LRRC4C: variants seen among roughly 807,000 people sequenced by gnomAD.
LRRC4C encodes the protein leucine-rich repeat-containing protein 4C.
In LRRC4C, 5 loss-of-function variants were observed where a neutral mutation model predicts 33.6. The observed-to-expected ratio is 0.15, with a 90% CI of 0.08 to 0.31. The LOEUF (loss-of-function observed/expected upper bound fraction) is 0.31, where lower values mean the gene tolerates loss of function less well. Ranked by LOEUF, LRRC4C falls within the 10% of genes least tolerant of loss-of-function variation. The pLI is 1.00. For synonymous variants in LRRC4C, 329 were observed against 302.0 expected, an observed-to-expected ratio of 1.09 and a Z score of -0.93; for missense variants, 560 against 796.7, an observed-to-expected ratio of 0.70 and a Z score of 3.58.
At chr11:40,359,234 T>C (rs996023209) in intron 3 of LRRC4C, among the ~76,000 whole-genome samples, 5 of 152,184 alleles carry the variant, frequency 3.3e-5, no homozygotes, top group African/African-American at 1.2e-4. Context: ...TTCATTAGAA[T>C]AGCAAGCTAT....
intron 2 of LRRC4C, among the ~76,000 whole-genome samples, chr11:40,683,434 C>T (rs931894952): frequency 1.3e-5 from 2 of 152,134 alleles, no homozygotes; most frequent in Non-Finnish European, 2.9e-5. Context: ...AGTGCTGTCT[C>T]TATACATGGC....
intron 1 of LRRC4C, among the ~76,000 whole-genome samples, chr11:41,448,122 G>GTCTTTTTTTTTTTTTTTTTTTTTTTTTTT (rs1955887380): frequency 2.1e-5 from 1 of 46,948 alleles, no homozygotes. Flanking sequence ...GCACACGTCT[G>GTCTTTTTTTTTTTTTTTTTTTTTTTTTTT]TTTTTTTTTT....
chr11:41,090,802 T>G (rs1351828015), intron 1 of LRRC4C, among the ~76,000 whole-genome samples: 3 of 152,116 alleles, frequency 2.0e-5, no homozygotes, highest in Admixed American at 2.0e-4. Context: ...TCTTACTAGC[T>G]CTCTCTTTCC....
chr11:40,933,582 A>G (rs933115982), intron 2 of LRRC4C, 53 bp downstream of exon 2: 2 of 150,772 alleles, frequency 1.3e-5, no homozygotes, highest in Admixed American at 1.3e-4. Context: ...CTAGTCATAT[A>G]TGAAACAACA....
chr11:40,791,909 GT>G (rs1450392380), intron 2 of LRRC4C, among the ~76,000 whole-genome samples: 1 of 151,926 alleles, frequency 6.6e-6, no homozygotes, highest in Non-Finnish European at 1.5e-5. Context: ...AAACCCATGA[GT>G]TTTGTTTTAT....
intron 6 of LRRC4C, among the ~76,000 whole-genome samples, chr11:40,127,750 G>A (rs11606250): frequency 0.17 from 25,339 of 151,894 alleles, 2,236 homozygotes; most frequent in East Asian, 0.26. Context: ...AAATTAATAC[G>A]CCCCAGTTAA....
chr11:40,361,892 A>G (rs1310195080), intron 3 of LRRC4C, among the ~76,000 whole-genome samples: 1 of 152,214 alleles, frequency 6.6e-6, no homozygotes, highest in African/African-American at 2.4e-5. Flanking sequence ...CCAAAACAGC[A>G]TGGTACTGGT....
chr11:40,529,453 C>T (rs906796554), intron 3 of LRRC4C, among the ~76,000 whole-genome samples: 6 of 151,906 alleles, frequency 3.9e-5, no homozygotes, highest in South Asian at 4.2e-4. Flanking sequence ...GAGATAATAG[C>T]GGTCAGACAA....
chr11:41,412,312 GTTTGGGGTC>G (rs1954518157), intron 1 of LRRC4C, among the ~76,000 whole-genome samples: 1 of 152,138 alleles, frequency 6.6e-6, no homozygotes, highest in Admixed American at 6.5e-5. Flanking sequence ...ATAAAAATAT[GTTTGGGGTC>G]TTTAGAGATT....
intron 3 of LRRC4C, among the ~76,000 whole-genome samples, chr11:40,428,571 T>C (rs773032673): frequency 5.3e-5 from 8 of 152,234 alleles, no homozygotes; most frequent in Non-Finnish European, 7.3e-5. Flanking sequence ...AATGCATTTA[T>C]ATCTCTCGCT....
At chr11:40,324,371 C>T (rs966098288) in intron 3 of LRRC4C, among the ~76,000 whole-genome samples, 3 of 152,158 alleles carry the variant, frequency 2.0e-5, no homozygotes, top group Non-Finnish European at 4.4e-5. Context: ...TTAGTAAATC[C>T]ATGCTTGAAT....
intron 2 of LRRC4C, among the ~76,000 whole-genome samples, chr11:40,719,986 G>A (rs1476451902): frequency 6.6e-6 from 1 of 152,070 alleles, no homozygotes; most frequent in Non-Finnish European, 1.5e-5. Flanking sequence ...TAGGCAAATT[G>A]GGAAGTGAGT....
chr11:40,215,372 C>T (rs1301033349), intron 5 of LRRC4C, among the ~76,000 whole-genome samples: 1 of 152,132 alleles, frequency 6.6e-6, no homozygotes, highest in African/African-American at 2.4e-5. Flanking sequence ...AACCTCTATG[C>T]TTGCCTGAAT....
At chr11:40,377,011 A>C (rs111318016) in intron 3 of LRRC4C, among the ~76,000 whole-genome samples, 1,745 of 152,268 alleles carry the variant, frequency 0.011, 16 homozygotes, top group Non-Finnish European at 0.017. Context: ...ATATTGATTG[A>C]TAGATCTTAT....
At chr11:40,321,436 C>T (rs1012614045) in intron 3 of LRRC4C, among the ~76,000 whole-genome samples, 16 of 152,074 alleles carry the variant, frequency 1.1e-4, no homozygotes, top group Non-Finnish European at 2.1e-4. Context: ...AATCTCTCTA[C>T]ATTACTGTAC....
rs529187180 is a variant in LRRC4C, at chr11:40,651,533, C to A, written c.-406-3255G>T. On this transcript the variant is annotated intron_variant, in intron 2 of 6. Coordinates refer to ENST00000528697, the MANE Select transcript of LRRC4C (RefSeq NM_001258419.2). ...CCACTTTTAAAATTTAATAAAGTAT[C>A]CATCTATTGGAGATCCTCTATAAGC... Among the ~76,000 whole-genome samples the A allele has an allele frequency of 3.4e-4, 51 of 152,112 alleles. 1 individual carries two copies. Among genetic ancestry groups the A allele is most frequent in the Admixed American group, 3.3e-3 (51 of 15,272 alleles).
intron 3 of LRRC4C, among the ~76,000 whole-genome samples, chr11:40,431,394 C>CACA (rs1950929464): frequency 8.0e-6 from 1 of 125,388 alleles, no homozygotes. Context: ...GACTCTGTCT[C>CACA]AAAAAAAAAA....
intron 3 of LRRC4C, among the ~76,000 whole-genome samples, chr11:40,493,832 G>T (rs114229202): frequency 6.6e-6 from 1 of 152,072 alleles, no homozygotes; most frequent in Non-Finnish European, 1.5e-5. Flanking sequence ...CATTCTGGGT[G>T]CTGACTGTTC....
At chr11:40,329,956 T>G (rs1202176029) in intron 3 of LRRC4C, among the ~76,000 whole-genome samples, 1 of 152,064 alleles carries the variant, frequency 6.6e-6, no homozygotes, top group Non-Finnish European at 1.5e-5. Context: ...TTAGCCAGGA[T>G]GGTCTCTATC....
Sources: gnomAD v4.1 joint callset for allele counts (sites outside exome capture counted in the v4.1 genomes callset) on GRCh38, gnomAD v4.1.1 for gene constraint, MANE v1.5 for transcripts, NCBI Gene and HGNC (gene_info 2026-07-23, HGNC 2026-07-21) for gene names.